Variants in NLGN1 observed in about 807,000 individuals in gnomAD.
NLGN1 encodes the protein neuroligin 1.
A neutral mutation model predicts 65.5 loss-of-function variants in NLGN1; 12 were observed. That is an observed-to-expected ratio of 0.18 (90% confidence interval 0.12 to 0.30). The LOEUF is 0.30. NLGN1 is among the 10% of genes least tolerant of loss of function. NLGN1 has a pLI of 1.00. For missense variants in NLGN1, 750 were observed against 1,007.1 expected (o/e 0.74, Z 3.46); for synonymous variants, 350 against 359.5 (o/e 0.97, Z 0.30).
chr3:173,725,636 CA>C (rs1261304457), intron 3 of NLGN1, among the ~76,000 whole-genome samples: 1 of 152,196 alleles, frequency 6.6e-6, no homozygotes, highest in Non-Finnish European at 1.5e-5. Flanking sequence ...CTAATCACTA[CA>C]AGCGTGGCTT....
At chr3:173,995,847 G>T (rs545023478) in intron 4 of NLGN1, among the ~76,000 whole-genome samples, 1 of 151,146 alleles carries the variant, frequency 6.6e-6, no homozygotes, top group Non-Finnish European at 1.5e-5. Flanking sequence ...TACCATACTC[G>T]GCTAATTTTT....
At chr3:173,992,385 C>A (rs1721304381) in intron 4 of NLGN1, among the ~76,000 whole-genome samples, 1 of 152,100 alleles carries the variant, frequency 6.6e-6, no homozygotes, top group African/African-American at 2.4e-5. Flanking sequence ...GACTCTAGGG[C>A]AGAGATACAG....
intron 4 of NLGN1, among the ~76,000 whole-genome samples, chr3:174,238,895 A>T (rs1475327118): frequency 2.0e-5 from 3 of 151,562 alleles, no homozygotes; most frequent in Admixed American, 1.3e-4. Context: ...TTAATTTTCT[A>T]TACTTAAACA....
intron 2 of NLGN1, among the ~76,000 whole-genome samples, chr3:173,550,464 G>A (rs1740651790): frequency 6.6e-6 from 1 of 151,998 alleles, no homozygotes; most frequent in Non-Finnish European, 1.5e-5. Flanking sequence ...TAACCCACAT[G>A]AATTCATCAA....
intron 4 of NLGN1, among the ~76,000 whole-genome samples, chr3:173,864,866 TGGA>T (rs1729817992): frequency 6.6e-6 from 1 of 152,176 alleles, no homozygotes; most frequent in Admixed American, 6.5e-5. Flanking sequence ...ATTGGAATGG[TGGA>T]GGAGAGAGAT....
At chr3:173,643,001 A>G (rs1178429711) in intron 3 of NLGN1, among the ~76,000 whole-genome samples, 1 of 152,218 alleles carries the variant, frequency 6.6e-6, no homozygotes, top group Non-Finnish European at 1.5e-5. Context: ...ATCTGAAGCT[A>G]CCTTCTAAAC....
At chr3:173,424,982 A>G (rs1715832066) in intron 1 of NLGN1, among the ~76,000 whole-genome samples, 1 of 152,180 alleles carries the variant, frequency 6.6e-6, no homozygotes, top group African/African-American at 2.4e-5. Context: ...TGGGTAACTT[A>G]TAAAAGAAAG....
intron 4 of NLGN1, among the ~76,000 whole-genome samples, chr3:174,163,146 A>G (rs936741223): frequency 1.3e-5 from 2 of 152,028 alleles, no homozygotes; most frequent in Admixed American, 1.3e-4. Flanking sequence ...ACCACTGTCT[A>G]CTAGACTAGA....
intron 2 of NLGN1, among the ~76,000 whole-genome samples, chr3:173,481,186 G>T (rs1297139786): frequency 6.6e-6 from 1 of 151,936 alleles, no homozygotes; most frequent in Admixed American, 6.6e-5. Context: ...ATTTTAGAGA[G>T]ATTATTTACA....
intron 3 of NLGN1, among the ~76,000 whole-genome samples, chr3:173,624,807 G>A (rs569931087): frequency 1.3e-3 from 201 of 151,206 alleles, no homozygotes; most frequent in African/African-American, 4.5e-3. Flanking sequence ...ATAGCTCATA[G>A]GTTTTAAATA....
rs536506392 is a variant in NLGN1, at chr3:173,976,131, G to A, written c.646+168299G>A. On this transcript the variant is annotated intron_variant, in intron 4 of 6. Coordinates refer to ENST00000457714, the Ensembl canonical transcript of NLGN1. ...ACTCTACATTCAGGGTTTTTATTAC[G>A]TTATTCAACTATGTTGCAAAATGTA... Among the ~76,000 whole-genome samples the A allele has an allele frequency of 4.6e-5, 7 of 152,090 alleles. 1 individual carries two copies. In the South Asian group the frequency reaches 6.2e-4, roughly 14 times the overall value.
At chr3:173,793,684 C>T (rs1713316529) in intron 3 of NLGN1, among the ~76,000 whole-genome samples, 1 of 152,088 alleles carries the variant, frequency 6.6e-6, no homozygotes, top group Admixed American at 6.6e-5. Context: ...TACTTGCAAA[C>T]ACAAATGGAA....
the NLGN1 span, among the ~76,000 whole-genome samples, chr3:174,293,757 TG>T: frequency 1.7e-4 from 26 of 151,678 alleles, no homozygotes; most frequent in East Asian, 4.7e-3. Context: ...AGTGTGAAGC[TG>T]GGGAGTTGTA....
chr3:173,571,455 A>C (rs955646055), intron 2 of NLGN1, among the ~76,000 whole-genome samples: 1 of 152,208 alleles, frequency 6.6e-6, no homozygotes, highest in Non-Finnish European at 1.5e-5. Context: ...GAGGTGTCAC[A>C]CTTTTTATGT....
chr3:173,895,451 T>TTA (rs1736175583), intron 4 of NLGN1, among the ~76,000 whole-genome samples: 1 of 152,064 alleles, frequency 6.6e-6, no homozygotes, highest in Non-Finnish European at 1.5e-5. Flanking sequence ...CAAAATATGG[T>TTA]AAAGATTTTT....
chr3:173,952,116 A>G (rs530652757), intron 4 of NLGN1, among the ~76,000 whole-genome samples: 72 of 152,324 alleles, frequency 4.7e-4, no homozygotes, highest in African/African-American at 1.4e-3. Context: ...ACTTTGTTCC[A>G]TTCATCAGTC....
chr3:173,571,749 A>G (rs1339399208), intron 2 of NLGN1, among the ~76,000 whole-genome samples: 2 of 152,068 alleles, frequency 1.3e-5, no homozygotes, highest in Non-Finnish European at 2.9e-5. Flanking sequence ...GTAGGTTTAG[A>G]TGTTTGTTTT....
chr3:174,176,486 C>T (rs546876821), intron 4 of NLGN1, among the ~76,000 whole-genome samples: 1 of 152,056 alleles, frequency 6.6e-6, no homozygotes, highest in East Asian at 1.9e-4. Flanking sequence ...TTTCTGCAGG[C>T]CATCAGTGGT....
intron 4 of NLGN1, among the ~76,000 whole-genome samples, chr3:173,902,815 A>G (rs1007284042): frequency 6.6e-6 from 1 of 152,122 alleles, no homozygotes; most frequent in Non-Finnish European, 1.5e-5. Context: ...TCATACCAGG[A>G]GCATTCATTT....
Sources: gnomAD v4.1 joint callset for allele counts (sites outside exome capture counted in the v4.1 genomes callset) on GRCh38, gnomAD v4.1.1 for gene constraint, MANE v1.5 for transcripts, NCBI Gene and HGNC (gene_info 2026-07-23, HGNC 2026-07-21) for gene names.